RNF123: variants seen among roughly 807,000 people sequenced by gnomAD.
The protein encoded by RNF123 is E3 ubiquitin-protein ligase RNF123.
RNF123 carries 86 observed loss-of-function variants against 168.5 expected under a neutral mutation model. The ratio of observed to expected loss-of-function variants is 0.51; its 90% CI spans 0.43 to 0.61. RNF123 has a LOEUF of 0.61. Ranked by LOEUF, RNF123 falls within the 20% of genes least tolerant of loss-of-function variation. The pLI, the probability that RNF123 is intolerant of heterozygous loss-of-function variation, is 0.00. For synonymous variants in RNF123, 666 were observed against 689.1 expected, an observed-to-expected ratio of 0.97 and a Z score of 0.52; for missense variants, 1,419 against 1,729.7, an observed-to-expected ratio of 0.82 and a Z score of 3.19.
At position 49,719,345 on chromosome 3, in the gene RNF123, C is replaced by T. The variant is rs145532818; in HGVS notation, c.3501-1166C>T. The T allele has an allele frequency of 7.1e-5, 114 of 1,613,300 alleles. No individual in the cohort carries two copies. Among genetic ancestry groups the T allele is most frequent in the Non-Finnish European group, 9.2e-5 (109 of 1,180,042 alleles). ...CCAGTGCAGCTTAGCAGGTCGGCAG[C>T]GCAGATACATTTGTAGGGGCAGTTG... is the stretch of plus-strand genomic sequence containing the variant. On this transcript the variant is annotated intron_variant, in intron 35 of 38. Transcript: ENST00000327697.
rs1163627783 is a variant in RNF123 at position 49,697,466 on chromosome 3, G to A, written c.342+9G>A. On this transcript the variant is annotated intron_variant, in intron 5 of 38. Coordinates refer to ENST00000327697, the MANE Select transcript of RNF123 (RefSeq NM_022064.5). ...ATGATGACCTGCTGGGGGTGAGTGA[G>A]GGTGAGGTGTGGAGACCCAGGTCCA... 1 of 1,590,732 alleles carries A rather than the reference G, an allele frequency of 6.3e-7. No individual in the cohort carries two copies. The highest frequency in any genetic ancestry group is 8.6e-7 in the Non-Finnish European group (1 of 1,168,342).
In RNF123 at chr3:49,699,045, C is replaced by T. The variant is rs751199830; in HGVS notation, c.704C>T (p.Pro235Leu). Residue 235 changes from proline (P) to leucine (L), a missense_variant, in exon 10 of 39, where the codon CCA becomes CTA. Pro to Leu is a moderately conservative substitution (Grantham distance 98). Around this residue, in one of 5 missense-constraint regions of RNF123, gnomAD observed 318 missense variants for 446.6 expected, o/e 0.71. Coordinates refer to ENST00000327697, the MANE Select transcript of RNF123 (RefSeq NM_022064.5). The surrounding 1 kb of genome is among the most constrained non-coding windows in gnomAD (Gnocchi z 4.8). The stretch of plus-strand genomic sequence containing the variant: ...AGGGGCCTGGGTATGGCCTACTTCC[C>T]AGCCATCAGCCTCTCTTTCAAGGAG... ...LSRGLGMAYFPAISLSFKESV... is the reference protein window; with the variant it reads ...LSRGLGMAYFLAISLSFKESV... 3 of 1,613,932 alleles carry T rather than the reference C, an allele frequency of 1.9e-6. No homozygotes were observed. The South Asian group carries it at 3.3e-5, about 18-fold the overall frequency.
rs749419072 is a variant in RNF123, at chr3:49,718,670, G to A, written c.3501-1841G>A. The A allele has an allele frequency of 2.5e-6, 4 of 1,613,002 alleles. No individual in the cohort carries two copies. The South Asian group carries it at 4.4e-5, about 18-fold the overall frequency. On this transcript the variant is annotated intron_variant, in intron 35 of 38. Coordinates refer to ENST00000327697, the MANE Select transcript of RNF123 (RefSeq NM_022064.5). ...GAGCAGTTCTCAAAGACGCGGCTGTGCTGGAAGAAGCGCACGCGGGACGCG... is the reference window on the plus strand; with the variant it reads ...GAGCAGTTCTCAAAGACGCGGCTGTACTGGAAGAAGCGCACGCGGGACGCG...
chr3:49,699,099 C>G lies in RNF123; in HGVS notation c.758C>G (p.Pro253Arg). 1.2e-6 allele frequency: 2 copies of G among 1,613,244 alleles called. No individual in the cohort carries two copies. Among genetic ancestry groups the G allele is most frequent in the Non-Finnish European group, 1.7e-6 (2 of 1,179,902 alleles). ...GTGGCCTTCAACTTTGGCAGCCGTC[C>G]TCTGCGATATCATTTTGTGAAGATG... is the stretch of plus-strand genomic sequence containing the variant. ...ESVAFNFGSR[P>R]LRYPVAGYRP... is the part of the protein sequence containing the mutation. Residue 253 changes from proline (P) to arginine (R), a missense_variant, in exon 10 of 39, where the codon CCT (proline) becomes CGT (arginine). Physicochemically the swap from Pro to Arg is moderately radical, Grantham distance 103. Coordinates refer to ENST00000327697, the MANE Select transcript of RNF123 (RefSeq NM_022064.5). This position sits in a 1 kb window ranked among gnomAD's most constrained non-coding sequence, Gnocchi z 4.8.
chr3:49,702,196 A>G, intron 18 of RNF123, 52 bp downstream of exon 18: 2 of 1,599,128 alleles, frequency 1.3e-6, no homozygotes, highest in Non-Finnish European at 1.7e-6. Context: ...GGGATGCTGC[A>G]CTGGGCCTTA....
At chr3:49,719,537 T>G in intron 35 of RNF123, 1 of 1,319,274 alleles carries the variant, frequency 7.6e-7, no homozygotes. Context: ...CCTCTTCTGC[T>G]CTAGTGCGAC....
rs1575537297 is a variant in RNF123 at position 49,713,545 on chromosome 3, A to G, written c.2707A>G (p.Ile903Val). Residue 903 changes from isoleucine to valine, a missense_variant, in exon 28 of 39, where the codon ATT becomes GTT. Around this residue, in one of 5 missense-constraint regions of RNF123, gnomAD observed 538 missense variants for 708.8 expected, o/e 0.76. Coordinates refer to ENST00000327697, the MANE Select transcript of RNF123 (RefSeq NM_022064.5). ...AGAGACCCTGACCCGCCTGGCTGCC[A>G]TTCTCGCCAAACACTTTGCCGACGC... ...YEETLTRLAAILAKHFADARI... is the reference protein window; with the variant it reads ...YEETLTRLAAVLAKHFADARI... 1 of 1,612,518 alleles carries G rather than the reference A, an allele frequency of 6.2e-7. No homozygotes were observed. The highest frequency in any genetic ancestry group is 1.1e-5 in the South Asian group (1 of 90,648).
rs35938648 is a variant in RNF123 at position 49,693,347 on chromosome 3, C to CTTTTTTTT, written c.167+1857_167+1864dup. Reference sequence around the variant, plus strand: ...ACAGGCGTGAGCCAGTGTGCCTGGCCTTTTTTTTTTTTTTTTTTTTTTTTT... The same window carrying CTTTTTTTT: ...ACAGGCGTGAGCCAGTGTGCCTGGCCTTTTTTTTTTTTTTTTTTTTTTTTTTTTTTTTT... On this transcript the variant is annotated intron_variant, in intron 3 of 38. Coordinates refer to ENST00000327697, the MANE Select transcript of RNF123 (RefSeq NM_022064.5). Among the ~76,000 whole-genome samples, 2 of 34,124 alleles carry CTTTTTTTT rather than the reference C, an allele frequency of 5.9e-5. 1 individual carries two copies. Among genetic ancestry groups the CTTTTTTTT allele is most frequent in the Non-Finnish European group, 1.0e-4 (2 of 19,976 alleles). The allele number at this position is 34,124 out of a possible 152,430, so 22.4% of individuals were successfully genotyped here.
In RNF123 at chr3:49,702,420, G is replaced by T; in HGVS notation, c.1629+15G>T. On this transcript the variant is annotated intron_variant, in intron 19 of 38. Coordinates refer to ENST00000327697, the MANE Select transcript of RNF123 (RefSeq NM_022064.5). ...GTGGCCGGGGGGTAGGTGTCCTCCA[G>T]GCCAGCCCACTGTGGATCCCCGGCT... is the stretch of plus-strand genomic sequence containing the variant. 6.2e-7 allele frequency: 1 copy of T among 1,614,024 alleles called. No individual in the cohort carries two copies. The highest frequency in any genetic ancestry group is 8.5e-7 in the Non-Finnish European group (1 of 1,179,902).
chr3:49,705,193 G>C lies in RNF123; in HGVS notation c.2158+11G>C. ...GGACCCGTGAGGACAGTAGGTGCTT[G>C]GTGGGGTCAGGCAGGTCCCCGAAGG... On this transcript the variant is annotated intron_variant, in intron 23 of 38. Transcript: ENST00000327697. 1 of 1,590,634 alleles carries C rather than the reference G, an allele frequency of 6.3e-7. No individual in the cohort carries two copies. Among genetic ancestry groups the C allele is most frequent in the South Asian group, 1.1e-5 (1 of 87,778 alleles).
intron 27 of RNF123, 37 bp from the exon 28 acceptor site, chr3:49,713,474 CCA>C (rs763509668): frequency 3.3e-4 from 511 of 1,563,218 alleles, no homozygotes; most frequent in Admixed American, 4.4e-4. Flanking sequence ...TCTGGAGCCC[CCA>C]CTCCCAGCCG....
At chr3:49,705,247 C>T (rs902332599) in intron 23 of RNF123, 65 bp downstream of exon 23, 61 of 1,525,522 alleles carry the variant, frequency 4.0e-5, no homozygotes, top group Non-Finnish European at 4.6e-5. Flanking sequence ...GTCCCCGATC[C>T]GGGCAAAGCC....
chr3:49,698,796 G>C lies in RNF123; in HGVS notation c.612G>C (p.Leu204=), dbSNP rs2054319479. 1 of 1,613,932 alleles carries C rather than the reference G, an allele frequency of 6.2e-7. No individual in the cohort carries two copies. The highest frequency in any genetic ancestry group is 8.5e-7 in the Non-Finnish European group (1 of 1,179,960). ...AGDIVSCLID[L]DDGTLSFCLN... The stretch of plus-strand genomic sequence containing the variant: ...ACATCGTGAGCTGCCTGATTGACCT[G>C]GATGATGGCACTCTGTCCTTCTGCC... Residue 204 remains leucine (L), a synonymous_variant, in exon 9 of 39, where the codon CTG becomes CTC. Transcript: ENST00000327697.
In RNF123 at chr3:49,691,441, G is replaced by T; in HGVS notation, c.99G>T (p.Lys33Asn). 2 of 1,614,214 alleles carry T rather than the reference G, an allele frequency of 1.2e-6. No individual in the cohort carries two copies. The highest frequency in any genetic ancestry group is 1.7e-6 in the Non-Finnish European group (2 of 1,180,024). The change falls in exon 3 of 39, where the codon AAG (lysine) becomes AAT (asparagine). Residue 33 changes from lysine to asparagine, a missense_variant. This residue lies in a region of RNF123 where 318 missense variants were observed against 446.6 expected (regional missense o/e 0.71). Coordinates refer to ENST00000327697, the MANE Select transcript of RNF123 (RefSeq NM_022064.5). ...KSRVTGIVQE[K>N]LLNDYLNRIF... ...GTGGCTCAGGCATTGTGCAGGAGAA[G>T]CTGCTGAATGACTACCTGAACCGCA...
At position 49,705,683 on chromosome 3, in the gene RNF123, G is replaced by A. The variant is rs758509659; in HGVS notation, c.2304+4G>A. 3.7e-6 allele frequency: 6 copies of A among 1,614,172 alleles called. No homozygotes were observed. The highest frequency in any genetic ancestry group is 3.3e-4 in the Middle Eastern group (2 of 6,062). On this transcript the variant is annotated splice_donor_region_variant and intron_variant, in intron 24 of 38. Transcript: ENST00000327697. ...CGTACACCAGCAGCTGGGCAAGGTCGTGCACTCTTGGACCCCGCATTGGGT... is the reference window on the plus strand; with the variant it reads ...CGTACACCAGCAGCTGGGCAAGGTCATGCACTCTTGGACCCCGCATTGGGT...
chr3:49,712,118 G>A (rs150320753), intron 26 of RNF123, among the ~76,000 whole-genome samples: 7 of 152,168 alleles, frequency 4.6e-5, no homozygotes, highest in African/African-American at 7.2e-5. Flanking sequence ...CCAGCTACTC[G>A]GGAGGCTGAG....
rs372252354 is a variant in RNF123 at position 49,699,540 on chromosome 3, G to A, written c.837G>A (p.Leu279=). ...SADLVRAQRL[L]GCFRAVLSVE... is the part of the protein sequence containing the mutation. ...ACCTGGTGCGGGCACAGAGGTTGCT[G>A]GGCTGCTTCCGGGCAGTGCTGAGTG... The change falls in exon 11 of 39, where the codon CTG becomes CTA. Residue 279 remains leucine (L), a synonymous_variant. Coordinates refer to ENST00000327697, the MANE Select transcript of RNF123 (RefSeq NM_022064.5). This position sits in a 1 kb window ranked among gnomAD's most constrained non-coding sequence, Gnocchi z 4.8. The A allele has an allele frequency of 4.1e-5, 66 of 1,613,130 alleles. No individual in the cohort carries two copies. The highest frequency in any genetic ancestry group is 5.2e-5 in the Non-Finnish European group (61 of 1,179,776).
chr3:49,699,072 C>G lies in RNF123; in HGVS notation c.731C>G (p.Ser244Cys). 1 of 1,613,806 alleles carries G rather than the reference C, an allele frequency of 6.2e-7. No individual in the cohort carries two copies. The highest frequency in any genetic ancestry group is 2.2e-5 in the East Asian group (1 of 44,876). Residue 244 changes from serine (S) to cysteine (C), a missense_variant, in exon 10 of 39, where the codon TCC becomes TGC. Physicochemically the swap from Ser to Cys is moderately radical, Grantham distance 112. Coordinates refer to ENST00000327697, the MANE Select transcript of RNF123 (RefSeq NM_022064.5). The surrounding 1 kb of genome is among the most constrained non-coding windows in gnomAD (Gnocchi z 4.8). ...FPAISLSFKE[S>C]VAFNFGSRPL... ...GCCATCAGCCTCTCTTTCAAGGAGT[C>G]CGTGGCCTTCAACTTTGGCAGCCGT...
In RNF123 at chr3:49,697,462, G is replaced by A. The variant is rs1288660516; in HGVS notation, c.342+5G>A. ...GTGGATGATGACCTGCTGGGGGTGA[G>A]TGAGGGTGAGGTGTGGAGACCCAGG... On this transcript the variant is annotated splice_donor_5th_base_variant and intron_variant, in intron 5 of 38. Coordinates refer to ENST00000327697, the MANE Select transcript of RNF123 (RefSeq NM_022064.5). The A allele has an allele frequency of 6.3e-7, 1 of 1,593,414 alleles. No individual in the cohort carries two copies.
Sources: allele counts gnomAD v4.1 joint callset (sites outside exome capture counted in the v4.1 genomes callset), GRCh38; gene constraint gnomAD v4.1.1; regional missense constraint gnomAD v4.1.1; non-coding constraint Gnocchi (gnomAD v3.1); transcripts MANE v1.5; gene names NCBI Gene and HGNC (gene_info 2026-07-23, HGNC 2026-07-21).